Variants in PITX1 observed in about 807,000 individuals in gnomAD.
PITX1 encodes the protein pituitary homeobox 1.
PITX1 carries 5 observed loss-of-function variants against 24.1 expected under a neutral mutation model. The observed-to-expected ratio is 0.21, with a 90% CI of 0.11 to 0.44. The LOEUF is 0.44. Among genes scored for constraint, PITX1 ranks in the 20% least tolerant of loss-of-function variants. PITX1 has a pLI of 0.99. For missense variants in PITX1, 401 were observed against 455.4 expected, an observed-to-expected ratio of 0.88 and a Z score of 1.09; for synonymous variants, 213 against 208.9, an observed-to-expected ratio of 1.02 and a Z score of -0.17.
chr5:135,034,472 G>A (rs1281940399), upstream of PITX1: 1 of 142,258 alleles, frequency 7.0e-6, no homozygotes, highest in Non-Finnish European at 1.5e-5. Flanking sequence ...CGGCCTCGCC[G>A]CGCCTCTCCC....
intron 2 of PITX1, among the ~76,000 whole-genome samples, chr5:135,030,432 G>T (rs947304348): frequency 6.6e-6 from 1 of 152,258 alleles, no homozygotes; most frequent in Non-Finnish European, 1.5e-5. Flanking sequence ...TGAGGGCTGG[G>T]GTTATGGTAA....
At position 135,033,230 on chromosome 5, in the gene PITX1, C is replaced by G. The variant is rs1277318963; in HGVS notation, c.169+483G>C. The stretch of plus-strand genomic sequence containing the variant: ...TCCCTTCTACTTGATGACCCCTCTC[C>G]CCCCGTTTACCCTTCCCGCCCGCCC... On this transcript the variant is annotated intron_variant, in intron 1 of 2. Coordinates refer to ENST00000265340, the MANE Select transcript of PITX1 (RefSeq NM_002653.5). The surrounding 1 kb of genome is among the most constrained non-coding windows in gnomAD (Gnocchi z 5.9). 3.3e-6 allele frequency: 1 copy of G among 304,976 alleles called. No homozygotes were observed. The highest frequency in any genetic ancestry group is 6.4e-6 in the Non-Finnish European group (1 of 157,126). 18.9% of individuals were successfully genotyped at this position (304,976 alleles called of 1,614,324 possible). A position where few individuals can be genotyped will look rare whatever the true frequency, so the allele number is the denominator to read the frequency against.
In PITX1 at chr5:135,031,265, C is replaced by G; in HGVS notation, c.402+11G>C. ...TGCGCGGGTGCCCTTAGGCGCGCAC[C>G]CCTTGCTCACCCGCACGCGCGGCTC... is the stretch of plus-strand genomic sequence containing the variant. On this transcript the variant is annotated intron_variant, in intron 2 of 2. Transcript: ENST00000265340. 6.2e-7 allele frequency: 1 copy of G among 1,612,304 alleles called. No individual in the cohort carries two copies. Among genetic ancestry groups the G allele is most frequent in the Non-Finnish European group, 8.5e-7 (1 of 1,178,420 alleles).
At position 135,028,770 on chromosome 5, in the gene PITX1, G is replaced by C; in HGVS notation, c.*9C>G. 6.5e-7 allele frequency: 1 copy of C among 1,548,572 alleles called. No individual in the cohort carries two copies. The highest frequency in any genetic ancestry group is 8.7e-7 in the Non-Finnish European group (1 of 1,143,958). ...TCCGGCCGCCGGCCCGCGTGGTGCG[G>C]CGGGGCGGTCAGCTGTTGTACTGGC... On this transcript the variant is annotated 3_prime_UTR_variant, in exon 3 of 3. Transcript: ENST00000265340.
intron 2 of PITX1, among the ~76,000 whole-genome samples, chr5:135,030,095 A>G (rs1487921662): frequency 6.6e-6 from 1 of 152,104 alleles, no homozygotes; most frequent in Non-Finnish European, 1.5e-5. Flanking sequence ...TTCTATTCTT[A>G]CTAGATTCTT....
rs115710080 is a variant in PITX1, at chr5:135,028,416, C to G, written c.*363G>C. Reference sequence around the variant, plus strand: ...CCCCCGGCCGCTGGGCCTCGGCGCTCGCCTACCGCGCCGCGTGCCCTCCGC... The same window carrying G: ...CCCCCGGCCGCTGGGCCTCGGCGCTGGCCTACCGCGCCGCGTGCCCTCCGC... On this transcript the variant is annotated 3_prime_UTR_variant, in exon 3 of 3. Transcript: ENST00000265340. The G allele has an allele frequency of 6.5e-6, 1 of 154,706 alleles. No individual in the cohort carries two copies. The highest frequency in any genetic ancestry group is 2.4e-5 in the African/African-American group (1 of 41,600). The allele number at this position is 154,706 out of a possible 1,614,324, so 9.6% of individuals were successfully genotyped here. A position where few individuals can be genotyped will look rare whatever the true frequency, so the allele number is the denominator to read the frequency against.
chr5:135,034,771 G>A (rs1752545188), upstream of PITX1: 1 of 152,164 alleles, frequency 6.6e-6, no homozygotes, highest in Admixed American at 6.5e-5. Flanking sequence ...CCTCGTCGAG[G>A]GGCCGCCTGC....
Position 135,031,500 on chromosome 5 carries a change from G to T in PITX1, c.178C>A (p.Arg60Ser), listed in dbSNP as rs779923896. 3 of 1,610,468 alleles carry T rather than the reference G, an allele frequency of 1.9e-6. No homozygotes were observed. The highest frequency in any genetic ancestry group is 2.7e-5 in the African/African-American group (2 of 74,902). Reference sequence around the variant, plus strand: ...TCGGGCCCCTTGGGTTCCCCGCCGCGCTCCTTCTCTGCAGTAGGCAGGACG... The same window carrying T: ...TCGGGCCCCTTGGGTTCCCCGCCGCTCTCCTTCTCTGCAGTAGGCAGGACG... ...SSDTELPEKE[R>S]GGEPKGPEDS... The change falls in exon 2 of 3, where the codon CGC becomes AGC. Residue 60 changes from arginine to serine, a missense_variant. By Grantham distance (110) the Arg-to-Ser change is moderately radical (BLOSUM62 -1). This residue lies in a region of PITX1 where 136 missense variants were observed against 133.3 expected (regional missense o/e 1.02). Transcript: ENST00000265340.
In PITX1 at chr5:135,033,208, C is replaced by G; in HGVS notation, c.169+505G>C. 1 of 314,472 alleles carries G rather than the reference C, an allele frequency of 3.2e-6. No individual in the cohort carries two copies. Among genetic ancestry groups the G allele is most frequent in the South Asian group, 2.4e-5 (1 of 41,840 alleles). 19.5% of individuals were successfully genotyped at this position (314,472 alleles called of 1,614,324 possible). A position where few individuals can be genotyped will look rare whatever the true frequency, so the allele number is the denominator to read the frequency against. On this transcript the variant is annotated intron_variant, in intron 1 of 2. Transcript: ENST00000265340. The surrounding 1 kb of genome is among the most constrained non-coding windows in gnomAD (Gnocchi z 5.9). Reference sequence around the variant, plus strand: ...CGCCCTCACCGTCCTCTGTGTCTCCCTTCTACTTGATGACCCCTCTCCCCC... The same window carrying G: ...CGCCCTCACCGTCCTCTGTGTCTCCGTTCTACTTGATGACCCCTCTCCCCC...
upstream of PITX1, chr5:135,034,493 G>T (rs991732673): frequency 6.6e-6 from 1 of 152,126 alleles, no homozygotes; most frequent in Non-Finnish European, 1.5e-5. Flanking sequence ...TCCTTCCCCG[G>T]TGACACACCG....
chr5:135,028,630 T>A lies in PITX1; in HGVS notation c.*149A>T, dbSNP rs1316919637. 20 of 192,426 alleles carry A rather than the reference T, an allele frequency of 1.0e-4. No individual in the cohort carries two copies. The highest frequency in any genetic ancestry group is 3.2e-5 in the Non-Finnish European group (4 of 125,082). The allele number at this position is 192,426 out of a possible 1,614,324, so 11.9% of individuals were successfully genotyped here. On this transcript the variant is annotated 3_prime_UTR_variant, in exon 3 of 3. Transcript: ENST00000265340. Reference sequence around the variant, plus strand: ...AAGCAAACACAAAACCAACCCGGAGTGGGAAGTGGGAGGAGGGGGCTGCGC... The same window carrying A: ...AAGCAAACACAAAACCAACCCGGAGAGGGAAGTGGGAGGAGGGGGCTGCGC...
At chr5:135,031,081 G>T (rs1752437895) in intron 2 of PITX1, among the ~76,000 whole-genome samples, 195 bp downstream of exon 2, 1 of 152,198 alleles carries the variant, frequency 6.6e-6, no homozygotes. Context: ...GGGGTTGAAG[G>T]TCCGAGGCGC....
chr5:135,033,594 C>T lies in PITX1; in HGVS notation c.169+119G>A. On this transcript the variant is annotated intron_variant, in intron 1 of 2. Transcript: ENST00000265340. This position sits in a 1 kb window ranked among gnomAD's most constrained non-coding sequence, Gnocchi z 5.9. ...AGAACGGGAAAAAGAAAGCTCCTGA[C>T]GCTTCTGGGGCGGAGAGGGAGCTTG... 9.6e-7 allele frequency: 1 copy of T among 1,039,518 alleles called. No individual in the cohort carries two copies. The highest frequency in any genetic ancestry group is 1.4e-5 in the South Asian group (1 of 72,642). 64.4% of individuals were successfully genotyped at this position (1,039,518 alleles called of 1,614,324 possible). A position where few individuals can be genotyped will look rare whatever the true frequency, so the allele number is the denominator to read the frequency against.
rs924812351 is a variant in PITX1, at chr5:135,028,214, A to C, written c.*565T>G. 6.6e-6 allele frequency: 1 copy of C among 152,282 alleles called. No individual in the cohort carries two copies. Among genetic ancestry groups the C allele is most frequent in the Non-Finnish European group, 1.5e-5 (1 of 68,126 alleles). 9.4% of individuals were successfully genotyped at this position (152,282 alleles called of 1,614,324 possible). A position where few individuals can be genotyped will look rare whatever the true frequency, so the allele number is the denominator to read the frequency against. ...TCCCCCCAAACCCAACGCCCGCCCC[A>C]ACACGGATCCGACTCGAGCTAAGGC... On this transcript the variant is annotated 3_prime_UTR_variant, in exon 3 of 3. Transcript: ENST00000265340.
rs765273525 is a variant in PITX1, at chr5:135,028,748, G to GCGTGGT, written c.*30_*31insACCACG. ...CCGCGCCCGCGCCCTTCCCCGCTCC[G>GCGTGGT]GCCGCCGGCCCGCGTGGTGCGGCGG... On this transcript the variant is annotated 3_prime_UTR_variant, in exon 3 of 3. Transcript: ENST00000265340. 6.7e-6 allele frequency: 10 copies of GCGTGGT among 1,493,864 alleles called. No homozygotes were observed. In the African/African-American group the frequency reaches 1.3e-4, roughly 19 times the overall value. The allele number at this position is 1,493,864 out of a possible 1,614,324, so 92.5% of individuals were successfully genotyped here. A position where few individuals can be genotyped will look rare whatever the true frequency, so the allele number is the denominator to read the frequency against.
At chr5:135,034,764 C>A (rs549396576), upstream of PITX1, 1 of 152,260 alleles carries the variant, frequency 6.6e-6, no homozygotes, top group African/African-American at 2.4e-5. Flanking sequence ...GCGGTGTCCT[C>A]GTCGAGGGGC....
At chr5:135,031,120 A>G (rs1580926881) in intron 2 of PITX1, among the ~76,000 whole-genome samples, 156 bp downstream of exon 2, 1 of 152,252 alleles carries the variant, frequency 6.6e-6, no homozygotes, top group East Asian at 1.9e-4. Context: ...CTAGTGGGCC[A>G]GGGCCTAAGG....
Position 135,028,845 on chromosome 5 carries a change from C to A in PITX1, c.879G>T (p.Ser293=). The change falls in exon 3 of 3, where the codon TCG becomes TCT. Residue 293 remains serine, a synonymous_variant. Transcript: ENST00000265340. ...CCTGCAGGCCGCCGTAGCCAAACGA[C>A]GAGTGCTGTTTGGACTTGAGCCGCA... ...ASLRLKSKQH[S]SFGYGGLQGP... 1 of 1,613,664 alleles carries A rather than the reference C, an allele frequency of 6.2e-7. No individual in the cohort carries two copies. Among genetic ancestry groups the A allele is most frequent in the East Asian group, 2.2e-5 (1 of 44,848 alleles).
rs903176722 is a variant in PITX1, at chr5:135,034,028, A to T, written c.-147T>A. The T allele has an allele frequency of 6.2e-6, 2 of 322,236 alleles. No individual in the cohort carries two copies. Among genetic ancestry groups the T allele is most frequent in the Non-Finnish European group, 1.0e-5 (2 of 195,224 alleles). 20.0% of individuals were successfully genotyped at this position (322,236 alleles called of 1,614,324 possible). A position where few individuals can be genotyped will look rare whatever the true frequency, so the allele number is the denominator to read the frequency against. On this transcript the variant is annotated 5_prime_UTR_variant, in exon 1 of 3. The change abolishes an upstream ATG in the 5' untranslated region. Coordinates refer to ENST00000265340, the MANE Select transcript of PITX1 (RefSeq NM_002653.5). Reference sequence around the variant, plus strand: ...CCTGCAGCGACGCCGTGCCCGCCCCATGGACCGCCCGGGGCTGCGGCGCCG... The same window carrying T: ...CCTGCAGCGACGCCGTGCCCGCCCCTTGGACCGCCCGGGGCTGCGGCGCCG...
Sources: gnomAD v4.1 joint callset for allele counts (sites outside exome capture counted in the v4.1 genomes callset) on GRCh38, gnomAD v4.1.1 for gene constraint, gnomAD v4.1.1 regional missense constraint, Gnocchi (gnomAD v3.1) non-coding constraint, MANE v1.5 for transcripts, NCBI Gene and HGNC (gene_info 2026-07-23, HGNC 2026-07-21) for gene names.